SLCO3A1: variants seen among roughly 807,000 people sequenced by gnomAD.
SLCO3A1 encodes the protein solute carrier organic anion transporter family member 3A1, also known as PGE1 transporter.
Under a neutral mutation model 63.1 loss-of-function variants are expected in SLCO3A1, and 27 were observed. That is an observed-to-expected ratio of 0.43 (90% CI 0.32 to 0.59). The LOEUF (loss-of-function observed/expected upper bound fraction) is 0.59. Among genes scored for constraint, SLCO3A1 ranks in the 20% least tolerant of loss-of-function variants. The pLI is 0.09. For missense variants in SLCO3A1, 773 were observed against 945.8 expected (o/e 0.82, Z 2.40); for synonymous variants, 473 against 409.9 (o/e 1.15, Z -1.86).
intron 3 of SLCO3A1, 80 bp from the exon 4 acceptor site, chr15:92,104,199 C>A: frequency 6.6e-7 from 1 of 1,511,626 alleles, no homozygotes; most frequent in South Asian, 1.2e-5. Flanking sequence ...CCTCTCTGTT[C>A]AGCGGATTCA....
intron 2 of SLCO3A1, among the ~76,000 whole-genome samples, chr15:91,943,428 A>G (rs1368444185): frequency 1.3e-5 from 2 of 152,110 alleles, no homozygotes; most frequent in Non-Finnish European, 2.9e-5. Flanking sequence ...CTTCCTTTTT[A>G]AGGCAGAATC....
intron 2 of SLCO3A1, among the ~76,000 whole-genome samples, chr15:92,000,013 A>C (rs2046234613): frequency 1.3e-5 from 2 of 152,238 alleles, no homozygotes; most frequent in Admixed American, 1.3e-4. Flanking sequence ...TATAAGATAG[A>C]ATACTATATG....
chr15:92,003,658 G>A (rs541615254), intron 2 of SLCO3A1, among the ~76,000 whole-genome samples: 1 of 152,340 alleles, frequency 6.6e-6, no homozygotes, highest in South Asian at 2.1e-4. Flanking sequence ...AGATTCAGTA[G>A]TGACATGCAG....
intron 2 of SLCO3A1, among the ~76,000 whole-genome samples, chr15:92,083,219 C>G (rs1302235881): frequency 6.6e-6 from 1 of 152,178 alleles, no homozygotes; most frequent in African/African-American, 2.4e-5. Context: ...TTGAGTCAAG[C>G]AAATCTCAAG....
At chr15:91,914,816 C>A (rs1189195283) in intron 1 of SLCO3A1, among the ~76,000 whole-genome samples, 1 of 152,166 alleles carries the variant, frequency 6.6e-6, no homozygotes, top group Non-Finnish European at 1.5e-5. Context: ...AAGTGACCTG[C>A]CCACCTCGGC....
intron 1 of SLCO3A1, among the ~76,000 whole-genome samples, chr15:91,891,762 A>G (rs540322530): frequency 2.0e-5 from 3 of 152,340 alleles, no homozygotes; most frequent in Admixed American, 2.0e-4. Flanking sequence ...AAATAGGAAA[A>G]TCAAACCCAG....
chr15:91,931,894 A>G (rs980653068), intron 2 of SLCO3A1, among the ~76,000 whole-genome samples: 1 of 152,186 alleles, frequency 6.6e-6, no homozygotes, highest in African/African-American at 2.4e-5. Flanking sequence ...ATGTTCTTTT[A>G]AGAAATCACT....
intron 2 of SLCO3A1, among the ~76,000 whole-genome samples, chr15:92,036,104 G>A (rs12916681): frequency 1.3e-5 from 2 of 152,188 alleles, no homozygotes; most frequent in African/African-American, 4.8e-5. Flanking sequence ...AGGCCATGTT[G>A]AAATTAGAGG....
chr15:92,031,287 T>C (rs1416077219), intron 2 of SLCO3A1, among the ~76,000 whole-genome samples: 5 of 152,034 alleles, frequency 3.3e-5, no homozygotes, highest in Non-Finnish European at 5.9e-5. Context: ...AATAGCAGTA[T>C]AAAAAGACTT....
At chr15:92,053,684 G>GTTTTT (rs1567092399) in intron 2 of SLCO3A1, among the ~76,000 whole-genome samples, 2 of 14,942 alleles carry the variant, frequency 1.3e-4, no homozygotes, top group African/African-American at 2.2e-4. Flanking sequence ...TTGTTTTTTT[G>GTTTTT]TTTGTTTGTT....
At chr15:92,125,772 C>T (rs1224715136) in intron 5 of SLCO3A1, among the ~76,000 whole-genome samples, 1 of 151,720 alleles carries the variant, frequency 6.6e-6, no homozygotes, top group Non-Finnish European at 1.5e-5. Context: ...TTGGTAGTCC[C>T]CTCTTCAGCT....
At position 92,147,165 on chromosome 15, in the gene SLCO3A1, C is replaced by A; in HGVS notation, c.1688+6C>A. On this transcript the variant is annotated splice_donor_region_variant and intron_variant, in intron 8 of 9. Transcript: ENST00000318445. The stretch of plus-strand genomic sequence containing the variant: ...TCAGTCATCATCCTCATCAGGTAAG[C>A]CCTCGGCACAGCCCCGCCTCTCCTC... The A allele has an allele frequency of 6.2e-7, 1 of 1,606,646 alleles. No individual in the cohort carries two copies.
intron 2 of SLCO3A1, among the ~76,000 whole-genome samples, chr15:91,978,533 C>T (rs956747483): frequency 1.3e-5 from 2 of 152,300 alleles, no homozygotes; most frequent in Non-Finnish European, 2.9e-5. Context: ...TAAGCCTTGG[C>T]GTCTGTTCTG....
chr15:91,921,987 G>A (rs1473806422), intron 2 of SLCO3A1, among the ~76,000 whole-genome samples: 3 of 151,906 alleles, frequency 2.0e-5, no homozygotes, highest in African/African-American at 7.3e-5. Context: ...CGCCTGCCTC[G>A]GCCTCCCAGA....
intron 2 of SLCO3A1, among the ~76,000 whole-genome samples, chr15:92,005,526 G>A (rs962508024): frequency 4.6e-5 from 7 of 152,170 alleles, no homozygotes; most frequent in African/African-American, 9.7e-5. Flanking sequence ...CAAGGCAAGC[G>A]TGAGAGTAGT....
At chr15:91,963,653 T>G (rs1295702242) in intron 2 of SLCO3A1, among the ~76,000 whole-genome samples, 1 of 152,110 alleles carries the variant, frequency 6.6e-6, no homozygotes, top group Non-Finnish European at 1.5e-5. Context: ...GTTACAGTTC[T>G]TAAAGATGAT....
rs550593342 is a variant in SLCO3A1 at position 92,117,492 on chromosome 15, T to C, written c.1010-2973T>C. Among the ~76,000 whole-genome samples the C allele has an allele frequency of 2.6e-5, 4 of 152,340 alleles. No individual in the cohort carries two copies. The South Asian group carries it at 8.3e-4, about 32-fold the overall frequency. On this transcript the variant is annotated intron_variant, in intron 4 of 9. Coordinates refer to ENST00000318445, the MANE Select transcript of SLCO3A1 (RefSeq NM_013272.4). ...CCTGCCTATTTGACATTGGCAATGT[T>C]TCCAGAATTTAGATATCTTTATTCC...
intron 9 of SLCO3A1, among the ~76,000 whole-genome samples, chr15:92,153,832 G>A: frequency 6.6e-6 from 1 of 152,186 alleles, no homozygotes; most frequent in East Asian, 1.9e-4. Flanking sequence ...GCATGTTTGG[G>A]GGCTGCAGAA....
At chr15:91,926,236 C>T (rs1039056430) in intron 2 of SLCO3A1, among the ~76,000 whole-genome samples, 1 of 152,162 alleles carries the variant, frequency 6.6e-6, no homozygotes, top group Non-Finnish European at 1.5e-5. Context: ...AAAGGAGTAT[C>T]CCCTCTCCAC....
Sources: gnomAD v4.1 joint callset for allele counts (sites outside exome capture counted in the v4.1 genomes callset) on GRCh38, gnomAD v4.1.1 for gene constraint, MANE v1.5 for transcripts, NCBI Gene and HGNC (gene_info 2026-07-23, HGNC 2026-07-21) for gene names.